COBL: variants seen among roughly 807,000 people sequenced by gnomAD.
COBL encodes the protein protein cordon-bleu.
A neutral mutation model predicts 98.8 loss-of-function variants in COBL; 51 were observed. The ratio of observed to expected loss-of-function variants is 0.52; its 90% CI spans 0.41 to 0.65. The LOEUF is 0.65. COBL is among the 30% of genes least tolerant of loss of function. The probability of loss-of-function intolerance (pLI) is 0.00; values close to 1 mark genes in which losing one functional copy is unlikely to be tolerated. For synonymous variants in COBL, 634 were observed against 651.7 expected, an observed-to-expected ratio of 0.97 and a Z score of 0.41; for missense variants, 1,617 against 1,617.5, an observed-to-expected ratio of 1.00 and a Z score of 0.01.
intron 1 of COBL, among the ~76,000 whole-genome samples, chr7:51,258,000 T>G (rs1266834289): frequency 6.6e-6 from 1 of 152,196 alleles, no homozygotes; most frequent in Non-Finnish European, 1.5e-5. Context: ...GAAAATGTAT[T>G]ATTTATTTAC....
chr7:51,064,405 T>A (rs1478463989), intron 7 of COBL: 1 of 151,738 alleles, frequency 6.6e-6, no homozygotes, highest in Non-Finnish European at 1.5e-5. Context: ...GATATTTGCA[T>A]ACCTGTGCAG....
At chr7:51,134,876 T>A (rs1799082847) in intron 6 of COBL, among the ~76,000 whole-genome samples, 1 of 152,240 alleles carries the variant, frequency 6.6e-6, no homozygotes, top group Non-Finnish European at 1.5e-5. Context: ...TGTGCCTAAA[T>A]TTATTTTTAT....
At chr7:51,130,920 T>G (rs187689573) in intron 6 of COBL, among the ~76,000 whole-genome samples, 33 of 152,382 alleles carry the variant, frequency 2.2e-4, no homozygotes, top group African/African-American at 7.7e-4. Context: ...ATGTATACAC[T>G]GTGCTGAGAT....
chr7:51,236,110 A>C (rs1795233426), intron 1 of COBL, among the ~76,000 whole-genome samples: 1 of 152,206 alleles, frequency 6.6e-6, no homozygotes, highest in Admixed American at 6.5e-5. Context: ...CCAACACTCA[A>C]ATGTACCAAC....
At chr7:51,285,289 AAAAC>A (rs1800246994) in intron 1 of COBL, among the ~76,000 whole-genome samples, 1 of 151,078 alleles carries the variant, frequency 6.6e-6, no homozygotes, top group African/African-American at 2.5e-5. Flanking sequence ...TAAGAAGAGA[AAAAC>A]AAATAAAAGG....
chr7:51,062,787 G>A (rs1210111969), intron 7 of COBL, among the ~76,000 whole-genome samples: 3 of 152,300 alleles, frequency 2.0e-5, no homozygotes, highest in South Asian at 2.1e-4. Flanking sequence ...CAGGGACTGC[G>A]TCTGCAGGGG....
At chr7:51,196,168 T>C (rs1433503776) in intron 2 of COBL, among the ~76,000 whole-genome samples, 3 of 152,218 alleles carry the variant, frequency 2.0e-5, no homozygotes, top group Admixed American at 6.5e-5. Context: ...TTGAGGTATA[T>C]TCCTTCAATA....
At chr7:51,161,103 C>T (rs1786756067) in intron 5 of COBL, among the ~76,000 whole-genome samples, 2 of 152,156 alleles carry the variant, frequency 1.3e-5, no homozygotes, top group Non-Finnish European at 2.9e-5. Flanking sequence ...GCCCTCGGAA[C>T]ACATTTTCCT....
intron 1 of COBL, among the ~76,000 whole-genome samples, chr7:51,309,169 A>C (rs984623354): frequency 2.0e-5 from 3 of 152,106 alleles, no homozygotes; most frequent in Admixed American, 6.5e-5. Flanking sequence ...CCCTGCCTCC[A>C]AGCTGCCCTT....
chr7:51,082,550 T>C (rs181954134), intron 7 of COBL, among the ~76,000 whole-genome samples: 98 of 152,342 alleles, frequency 6.4e-4, no homozygotes, highest in African/African-American at 2.3e-3. Context: ...AGTGAGCTGC[T>C]TCCCCTTCTC....
At chr7:51,138,232 T>G (rs1267089105) in intron 5 of COBL, among the ~76,000 whole-genome samples, 1 of 152,186 alleles carries the variant, frequency 6.6e-6, no homozygotes, top group Non-Finnish European at 1.5e-5. Flanking sequence ...TCAATGCCTA[T>G]TTAGGCTCCT....
chr7:51,272,540 T>C (rs1798855404), intron 1 of COBL, among the ~76,000 whole-genome samples: 1 of 152,156 alleles, frequency 6.6e-6, no homozygotes, highest in African/African-American at 2.4e-5. Context: ...TCATTTAAAT[T>C]TGGAGCTTTA....
Position 51,098,224 on chromosome 7 carries a change from C to CTTTT in COBL, c.958-12924_958-12921dup, listed in dbSNP as rs551768231. 8.7e-4 allele frequency among the ~76,000 whole-genome samples: 88 copies of CTTTT among 100,842 alleles called. 14 individuals carry two copies. Among genetic ancestry groups the CTTTT allele is most frequent in the African/African-American group, 3.1e-3 (69 of 22,336 alleles). The allele number at this position is 100,842 out of a possible 152,430, so 66.2% of individuals were successfully genotyped here. ...ACTACCAAAATCCCAATAGCAGTTT[C>CTTTT]TTTTTTTTTTTTGGAGAAATAGGAA... On this transcript the variant is annotated intron_variant, in intron 6 of 12. Transcript: ENST00000265136.
chr7:51,091,961 G>A (rs1053736160), intron 6 of COBL, among the ~76,000 whole-genome samples: 3 of 152,128 alleles, frequency 2.0e-5, no homozygotes, highest in South Asian at 4.1e-4. Context: ...TTATCTCAGG[G>A]GTTCCCAAAC....
intron 12 of COBL, among the ~76,000 whole-genome samples, chr7:51,019,415 G>A (rs1219055828): frequency 6.6e-6 from 1 of 152,158 alleles, no homozygotes; most frequent in Admixed American, 6.5e-5. Flanking sequence ...AATTAGAGCT[G>A]TGGTTTGCAT....
chr7:51,268,246 A>T (rs1798411767), intron 1 of COBL, among the ~76,000 whole-genome samples: 1 of 152,240 alleles, frequency 6.6e-6, no homozygotes, highest in Non-Finnish European at 1.5e-5. Context: ...TAGATCCAGG[A>T]CTAGAAGAGA....
chr7:51,220,443 G>A (rs1468657179), intron 1 of COBL, among the ~76,000 whole-genome samples: 1 of 152,116 alleles, frequency 6.6e-6, no homozygotes, highest in Non-Finnish European at 1.5e-5. Context: ...CCAGAAAGTC[G>A]ATCACACCAC....
chr7:51,198,386 C>T (rs917691315), intron 2 of COBL, among the ~76,000 whole-genome samples: 3 of 152,192 alleles, frequency 2.0e-5, no homozygotes, highest in African/African-American at 4.8e-5. Context: ...TTTTTAGTCT[C>T]ATGGGCTTCC....
intron 6 of COBL, among the ~76,000 whole-genome samples, chr7:51,129,068 C>T (rs148969244): frequency 6.6e-6 from 1 of 152,334 alleles, no homozygotes; most frequent in Non-Finnish European, 1.5e-5. Context: ...CTGTCACATC[C>T]TTGAGGAAAG....
Sources: gnomAD v4.1 joint callset for allele counts (sites outside exome capture counted in the v4.1 genomes callset) on GRCh38, gnomAD v4.1.1 for gene constraint, MANE v1.5 for transcripts, NCBI Gene and HGNC (gene_info 2026-07-23, HGNC 2026-07-21) for gene names.